Variants in ZNF644 observed in about 807,000 individuals in gnomAD.
ZNF644 encodes zinc finger motif enhancer binding protein 2.
A neutral mutation model predicts 108.0 loss-of-function variants in ZNF644; 20 were observed. That is an observed-to-expected ratio of 0.19 (90% CI 0.13 to 0.27). The LOEUF is 0.27. Ranked by LOEUF, ZNF644 falls within the 10% of genes least tolerant of loss-of-function variation. The probability of loss-of-function intolerance (pLI) is 1.00; values close to 1 mark genes in which losing one functional copy is unlikely to be tolerated. For synonymous variants in ZNF644, 542 were observed against 539.1 expected (o/e 1.01, Z -0.08); for missense variants, 1,338 against 1,548.9 (o/e 0.86, Z 2.29).
chr1:90,939,468 T>G lies in ZNF644; in HGVS notation c.1886A>C (p.Asp629Ala). 1 of 1,613,842 alleles carries G rather than the reference T, an allele frequency of 6.2e-7. No individual in the cohort carries two copies. Among genetic ancestry groups the G allele is most frequent in the Non-Finnish European group, 8.5e-7 (1 of 1,179,908 alleles). ...SPLGLDKRKN[D>A]ILEEPVDSDS... ...ACTATCTACAGGTTCTTCAAGGATG[T>G]CATTTTTTCTTTTATCAAGTCCAAG... The change falls in exon 3 of 6, where the codon GAC (aspartate) becomes GCC (alanine). Residue 629 changes from aspartate (D) to alanine (A), a missense_variant. Around this residue, in one of 6 missense-constraint regions of ZNF644, gnomAD observed 462 missense variants for 472.6 expected, o/e 0.98. Coordinates refer to ENST00000337393, the MANE Select transcript of ZNF644 (RefSeq NM_201269.3).
intron 2 of ZNF644, among the ~76,000 whole-genome samples, chr1:90,947,711 C>T (rs1005524418): frequency 6.6e-6 from 1 of 152,096 alleles, no homozygotes; most frequent in Non-Finnish European, 1.5e-5. Context: ...TATACAGATG[C>T]TCCTTTACAT....
chr1:90,995,083 G>A (rs1286151467), intron 1 of ZNF644, among the ~76,000 whole-genome samples: 2 of 152,020 alleles, frequency 1.3e-5, no homozygotes, highest in Non-Finnish European at 2.9e-5. Context: ...ATGTGACCCA[G>A]ACTCAGGAAA....
chr1:91,005,029 AC>A (rs1346974130), intron 1 of ZNF644, among the ~76,000 whole-genome samples: 2 of 152,162 alleles, frequency 1.3e-5, no homozygotes, highest in African/African-American at 4.8e-5. Flanking sequence ...GGCACTCCAA[AC>A]AAAAAGCACA....
At chr1:90,937,164 T>C (rs1387367094) in intron 4 of ZNF644, among the ~76,000 whole-genome samples, 1 of 152,134 alleles carries the variant, frequency 6.6e-6, no homozygotes, top group Non-Finnish European at 1.5e-5. Flanking sequence ...ACAACCATCC[T>C]CCAGCCAGAG....
chr1:90,997,243 A>T (rs1232616516), intron 1 of ZNF644, among the ~76,000 whole-genome samples: 1 of 152,186 alleles, frequency 6.6e-6, no homozygotes, highest in Non-Finnish European at 1.5e-5. Context: ...GGAAGTAAAA[A>T]GTAAGGCAGA....
intron 1 of ZNF644, among the ~76,000 whole-genome samples, chr1:90,992,225 T>C (rs1002322314): frequency 1.3e-5 from 2 of 152,204 alleles, no homozygotes; most frequent in South Asian, 2.1e-4. Context: ...TTCATAGGTA[T>C]ATACAGACGT....
intron 1 of ZNF644, among the ~76,000 whole-genome samples, chr1:91,009,125 C>T (rs1361125358): frequency 6.6e-6 from 1 of 152,010 alleles, no homozygotes; most frequent in Non-Finnish European, 1.5e-5. Context: ...TTGGGCAATA[C>T]CTGTTGGAAA....
At chr1:90,996,036 C>T (rs1407398735) in intron 1 of ZNF644, among the ~76,000 whole-genome samples, 1 of 152,158 alleles carries the variant, frequency 6.6e-6, no homozygotes, top group African/African-American at 2.4e-5. Context: ...AAATACTGCA[C>T]ACATTCTTTC....
At chr1:91,002,942 A>G (rs1464185013) in intron 1 of ZNF644, among the ~76,000 whole-genome samples, 1 of 151,856 alleles carries the variant, frequency 6.6e-6, no homozygotes, top group Non-Finnish European at 1.5e-5. Context: ...GCTCATCATC[A>G]CTGGCCATCA....
intron 1 of ZNF644, among the ~76,000 whole-genome samples, chr1:91,005,529 C>T (rs1659330484): frequency 6.6e-6 from 1 of 151,980 alleles, no homozygotes; most frequent in Non-Finnish European, 1.5e-5. Flanking sequence ...AGGTGTTAGG[C>T]CATCAGACAA....
intron 1 of ZNF644, among the ~76,000 whole-genome samples, chr1:90,986,676 G>A (rs1257400452): frequency 6.6e-6 from 1 of 151,936 alleles, no homozygotes; most frequent in African/African-American, 2.4e-5. Flanking sequence ...ATATGCTGAA[G>A]AGACATGAAC....
intron 1 of ZNF644, among the ~76,000 whole-genome samples, chr1:90,986,897 G>A (rs1557633715): frequency 6.6e-6 from 1 of 151,382 alleles, no homozygotes; most frequent in Non-Finnish European, 1.5e-5. Context: ...CCACACATGT[G>A]GAAATTAAAA....
At chr1:90,999,371 G>T (rs544514995) in intron 1 of ZNF644, among the ~76,000 whole-genome samples, 1 of 152,182 alleles carries the variant, frequency 6.6e-6, no homozygotes, top group African/African-American at 2.4e-5. Flanking sequence ...AGCCAGAAGA[G>T]AGTGGTGGCA....
intron 4 of ZNF644, chr1:90,935,352 G>GA (rs963806940): frequency 2.3e-4 from 228 of 974,696 alleles, no homozygotes; most frequent in Middle Eastern, 5.3e-4. Context: ...GTCTGGTGGG[G>GA]AAAAAAAAAG....
chr1:90,937,870 A>C lies in ZNF644; in HGVS notation c.3303T>G (p.Ile1101Met). 1 of 1,613,910 alleles carries C rather than the reference A, an allele frequency of 6.2e-7. No homozygotes were observed. Among genetic ancestry groups the C allele is most frequent in the Non-Finnish European group, 8.5e-7 (1 of 1,179,880 alleles). ...TTTGAGCTACAAATGGTCTGGGAAT[A>C]ATACGACGACTGTTCAATGCCTTTA... is the stretch of plus-strand genomic sequence containing the variant. ...KILKALNSRR[I>M]IPRPFVAQKL... Residue 1101 changes from isoleucine to methionine, a missense_variant, in exon 4 of 6, where the codon ATT becomes ATG. This residue lies in a region of ZNF644 where 287 missense variants were observed against 310.9 expected (regional missense o/e 0.92). Transcript: ENST00000337393.
At chr1:90,976,151 T>C (rs2101391540) in intron 2 of ZNF644, among the ~76,000 whole-genome samples, 1 of 152,332 alleles carries the variant, frequency 6.6e-6, no homozygotes, top group Admixed American at 6.5e-5. Flanking sequence ...GAGCTTTAGT[T>C]CATGCCCCCT....
chr1:91,003,365 G>C (rs1396287362), intron 1 of ZNF644, among the ~76,000 whole-genome samples: 1 of 150,460 alleles, frequency 6.6e-6, no homozygotes, highest in South Asian at 2.1e-4. Flanking sequence ...AAAAGGATGA[G>C]TTCATGTCCT....
chr1:90,925,689 A>C (rs1649952470), intron 4 of ZNF644, among the ~76,000 whole-genome samples: 1 of 152,080 alleles, frequency 6.6e-6, no homozygotes, highest in East Asian at 1.9e-4. Flanking sequence ...TGCATGAAAA[A>C]CAAGATGTCA....
At chr1:90,967,937 T>C (rs1225765852) in intron 2 of ZNF644, among the ~76,000 whole-genome samples, 1 of 150,910 alleles carries the variant, frequency 6.6e-6, no homozygotes, top group Non-Finnish European at 1.5e-5. Context: ...GGCAGGCACC[T>C]GTAATCCCTG....
Sources: gnomAD v4.1 joint callset for allele counts (sites outside exome capture counted in the v4.1 genomes callset) on GRCh38, gnomAD v4.1.1 for gene constraint, gnomAD v4.1.1 regional missense constraint, MANE v1.5 for transcripts, NCBI Gene and HGNC (gene_info 2026-07-23, HGNC 2026-07-21) for gene names.